Variants in MEI4 observed in about 807,000 individuals in gnomAD.
MEI4 encodes the protein meiosis-specific protein MEI4.
MEI4 carries 27 observed loss-of-function variants against 31.4 expected under a neutral mutation model. That is an observed-to-expected ratio of 0.86 (90% CI 0.63 to 1.19). The LOEUF (loss-of-function observed/expected upper bound fraction) is 1.19, where lower values mean the gene tolerates loss of function less well. MEI4 is among the 50% of genes most tolerant of loss of function. The pLI is 0.00. For missense variants in MEI4, 329 were observed against 398.9 expected, an observed-to-expected ratio of 0.82 and a Z score of 1.49; for synonymous variants, 122 against 145.4, an observed-to-expected ratio of 0.84 and a Z score of 1.16.
chr6:77,657,812 T>G (rs1186283370), intron 1 of MEI4, among the ~76,000 whole-genome samples: 2 of 152,224 alleles, frequency 1.3e-5, no homozygotes, highest in East Asian at 3.8e-4. Context: ...TCACCCCATT[T>G]GAAGTGCTCT....
At chr6:77,901,580 ATTGT>A (rs1165034707) in intron 4 of MEI4, among the ~76,000 whole-genome samples, 3 of 151,784 alleles carry the variant, frequency 2.0e-5, no homozygotes, top group Non-Finnish European at 2.9e-5. Flanking sequence ...TTACTATTGA[ATTGT>A]TTGACTTTCT....
intron 2 of MEI4, among the ~76,000 whole-genome samples, chr6:77,697,068 T>C (rs956743415): frequency 3.9e-5 from 6 of 152,252 alleles, no homozygotes; most frequent in South Asian, 2.1e-4. Context: ...GTGTTTGTAG[T>C]ATTCTCTGAT....
rs575199449 is a variant in MEI4 at position 77,728,771 on chromosome 6, G to A, written c.233-32359G>A. Among the ~76,000 whole-genome samples, 5 of 152,320 alleles carry A rather than the reference G, an allele frequency of 3.3e-5. No homozygotes were observed. In the East Asian group the frequency reaches 7.7e-4, roughly 23 times the overall value. On this transcript the variant is annotated intron_variant, in intron 2 of 4. Transcript: ENST00000684080. ...ACAGCCAGTGTGGCTGTGGAGCAGA[G>A]CAAGTAAGGAATAGAGGGTGAGTGA...
intron 2 of MEI4, among the ~76,000 whole-genome samples, chr6:77,696,975 T>A (rs910977212): frequency 6.6e-6 from 1 of 152,200 alleles, no homozygotes; most frequent in African/African-American, 2.4e-5. Flanking sequence ...AGATTCAACT[T>A]CTTCTTGGTT....
chr6:77,687,091 G>A (rs1185238657), intron 1 of MEI4, among the ~76,000 whole-genome samples: 1 of 151,856 alleles, frequency 6.6e-6, no homozygotes, highest in Non-Finnish European at 1.5e-5. Flanking sequence ...TTGCCTGAGG[G>A]AAAATCCAAG....
intron 3 of MEI4, among the ~76,000 whole-genome samples, chr6:77,780,012 A>T (rs1768552418): frequency 6.6e-6 from 1 of 152,140 alleles, no homozygotes; most frequent in African/African-American, 2.4e-5. Flanking sequence ...AAGAATGGAG[A>T]CTTCTTCAGG....
intron 4 of MEI4, among the ~76,000 whole-genome samples, chr6:77,841,184 A>G (rs1036985096): frequency 6.6e-6 from 1 of 151,512 alleles, no homozygotes; most frequent in African/African-American, 2.4e-5. Context: ...TACTTGGTGT[A>G]TATGGATGCA....
Position 77,889,572 on chromosome 6 carries a change from G to C in MEI4, c.901-33517G>C, listed in dbSNP as rs146111828. On this transcript the variant is annotated intron_variant, in intron 4 of 4. Transcript: ENST00000684080. ...AAATTTGCAGCCTGACAATGCAGTG[G>C]AAAAAGTAAAAAACACTTTCTAGGG... Among the ~76,000 whole-genome samples the C allele has an allele frequency of 3.4e-3, 515 of 152,272 alleles. 3 individuals are homozygous for C. The highest frequency in any genetic ancestry group is 6.1e-3 in the Non-Finnish European group (416 of 68,004).
intron 2 of MEI4, among the ~76,000 whole-genome samples, chr6:77,738,707 C>T (rs937653728): frequency 6.6e-5 from 10 of 152,130 alleles, no homozygotes; most frequent in Non-Finnish European, 1.2e-4. Context: ...ACACTTCCAC[C>T]AACACTGTAA....
intron 3 of MEI4, among the ~76,000 whole-genome samples, chr6:77,811,262 T>A (rs1044087220): frequency 8.5e-5 from 13 of 152,162 alleles, no homozygotes; most frequent in Admixed American, 2.0e-4. Flanking sequence ...GGGAAAGTAG[T>A]TCACCTCTCT....
rs562336024 is a variant in MEI4, at chr6:77,924,733, C to T, written c.*1387C>T. ...TCATGGCAGTGGCAATTGAGCAAGA[C>T]GAAAGGCTAGGCTGAGAAATGTCAC... is the stretch of plus-strand genomic sequence containing the variant. On this transcript the variant is annotated 3_prime_UTR_variant, in exon 5 of 5. Coordinates refer to ENST00000684080, the MANE Select transcript of MEI4 (RefSeq NM_001322247.2). The T allele has an allele frequency of 2.9e-4, 44 of 151,874 alleles. No homozygotes were observed. Among genetic ancestry groups the T allele is most frequent in the African/African-American group, 1.0e-3 (43 of 41,478 alleles). The allele number at this position is 151,874 out of a possible 1,614,324, so 9.4% of individuals were successfully genotyped here.
intron 4 of MEI4, among the ~76,000 whole-genome samples, chr6:77,872,320 C>G (rs1323223796): frequency 1.3e-5 from 2 of 152,116 alleles, no homozygotes; most frequent in Non-Finnish European, 2.9e-5. Context: ...TGGCATGCAC[C>G]TGCAGTCCCA....
intron 2 of MEI4, among the ~76,000 whole-genome samples, chr6:77,753,765 G>T (rs957238085): frequency 6.6e-6 from 1 of 152,134 alleles, no homozygotes; most frequent in African/African-American, 2.4e-5. Context: ...ATACCCAAAG[G>T]ATTATAAACC....
intron 3 of MEI4, among the ~76,000 whole-genome samples, chr6:77,809,796 G>A (rs1769530783): frequency 6.6e-6 from 1 of 151,986 alleles, no homozygotes; most frequent in African/African-American, 2.4e-5. Context: ...TATTGCATGT[G>A]AAGTTATCAG....
chr6:77,677,840 G>A (rs1450052856), intron 1 of MEI4, among the ~76,000 whole-genome samples: 1 of 152,118 alleles, frequency 6.6e-6, no homozygotes, highest in Non-Finnish European at 1.5e-5. Flanking sequence ...AAGATAAATT[G>A]TCACATATTC....
chr6:77,881,532 T>C (rs1006863391), intron 4 of MEI4, among the ~76,000 whole-genome samples: 7 of 152,244 alleles, frequency 4.6e-5, no homozygotes, highest in African/African-American at 1.7e-4. Flanking sequence ...CATAGCTAGT[T>C]GCATTTTCCA....
At chr6:77,849,221 A>C (rs1196130045) in intron 4 of MEI4, among the ~76,000 whole-genome samples, 1 of 152,218 alleles carries the variant, frequency 6.6e-6, no homozygotes, top group African/African-American at 2.4e-5. Flanking sequence ...CAGATTTATA[A>C]ATAGAGAAAA....
intron 4 of MEI4, among the ~76,000 whole-genome samples, chr6:77,891,865 G>T (rs909303023): frequency 5.3e-5 from 8 of 152,160 alleles, no homozygotes; most frequent in Admixed American, 2.0e-4. Flanking sequence ...GTTAAATTTT[G>T]TATGATTTGA....
At position 77,926,854 on chromosome 6, in the gene MEI4, T is replaced by G. The variant is rs1160390066; in HGVS notation, c.*3508T>G. 6.6e-6 allele frequency: 1 copy of G among 151,988 alleles called. No homozygotes were observed. Among genetic ancestry groups the G allele is most frequent in the Non-Finnish European group, 1.5e-5 (1 of 67,948 alleles). The allele number at this position is 151,988 out of a possible 1,614,324, so 9.4% of individuals were successfully genotyped here. A position where few individuals can be genotyped will look rare whatever the true frequency, so the allele number is the denominator to read the frequency against. ...CTGAAGGAGATAATTAACTTGTTAA[T>G]GTTTATCTAATATTGAAAAAATATA... On this transcript the variant is annotated 3_prime_UTR_variant, in exon 5 of 5. Coordinates refer to ENST00000684080, the MANE Select transcript of MEI4 (RefSeq NM_001322247.2).
Sources: allele counts gnomAD v4.1 joint callset (sites outside exome capture counted in the v4.1 genomes callset), GRCh38; gene constraint gnomAD v4.1.1; transcripts MANE v1.5; gene names NCBI Gene and HGNC (gene_info 2026-07-23, HGNC 2026-07-21).